SMCHD1: variants seen among roughly 807,000 people sequenced by gnomAD.
The protein encoded by SMCHD1 is structural maintenance of chromosomes flexible hinge domain containing 1.
Under a neutral mutation model 254.7 loss-of-function variants are expected in SMCHD1, and 78 were observed. The observed-to-expected ratio is 0.31, with a 90% confidence interval of 0.26 to 0.37. The LOEUF (loss-of-function observed/expected upper bound fraction) is 0.37. SMCHD1 is among the 10% of genes least tolerant of loss of function. The pLI is 1.00. For synonymous variants in SMCHD1, 766 were observed against 794.9 expected, an observed-to-expected ratio of 0.96 and a Z score of 0.61; for missense variants, 1,840 against 2,408.1, an observed-to-expected ratio of 0.76 and a Z score of 4.94.
In SMCHD1 at chr18:2,700,897, T is replaced by C; in HGVS notation, c.1626T>C (p.Phe542=). ...ELKLKDKNTL[F]TRILNGQEQR... is the part of the protein sequence containing the mutation. ...AATTGAAAGATAAGAACACCCTTTT[T>C]ACAAGGATTTTAAATGGACAGGTAT... is the stretch of plus-strand genomic sequence containing the variant. The change falls in exon 12 of 48, where the codon TTT becomes TTC. Residue 542 remains phenylalanine (F), a synonymous_variant. Transcript: ENST00000320876. The C allele has an allele frequency of 2.5e-6, 4 of 1,600,834 alleles. No individual in the cohort carries two copies. Among genetic ancestry groups the C allele is most frequent in the Non-Finnish European group, 3.4e-6 (4 of 1,174,354 alleles).
chr18:2,674,515 G>A (rs2073696041), intron 5 of SMCHD1, among the ~76,000 whole-genome samples: 1 of 152,110 alleles, frequency 6.6e-6, no homozygotes, highest in South Asian at 2.1e-4. Flanking sequence ...GTGGTTCTGT[G>A]GAGCTCACTG....
intron 5 of SMCHD1, among the ~76,000 whole-genome samples, chr18:2,678,851 T>G (rs555694894): frequency 0.2 from 5,297 of 26,766 alleles, 338 homozygotes; most frequent in African/African-American, 0.25. Flanking sequence ...TTGTTTGTTT[T>G]TTTGTTTTTT....
rs75714825 is a variant in SMCHD1 at position 2,706,494 on chromosome 18, G to A, written c.2063+24G>A. 8,709 of 1,493,490 alleles carry A rather than the reference G, an allele frequency of 5.8e-3. 272 individuals carry two copies. The African/African-American group carries it at 0.086, about 15-fold the overall frequency. The allele number at this position is 1,493,490 out of a possible 1,614,324, so 92.5% of individuals were successfully genotyped here. A position where few individuals can be genotyped will look rare whatever the true frequency, so the allele number is the denominator to read the frequency against. ...AGGTAAGTCACACTTCAAGATGCAT[G>A]ACAAAAATAAGAAAAATTGGAAAGA... On this transcript the variant is annotated intron_variant, in intron 15 of 47. Coordinates refer to ENST00000320876, the MANE Select transcript of SMCHD1 (RefSeq NM_015295.3).
At chr18:2,795,820 T>G in intron 45 of SMCHD1, 129 bp from the exon 46 acceptor site, 1 of 641,736 alleles carries the variant, frequency 1.6e-6, no homozygotes, top group Non-Finnish European at 2.6e-6. Context: ...TATTGAATGT[T>G]TTATGGCTTT....
rs140663757 is a variant in SMCHD1 at position 2,719,832 on chromosome 18, C to T, written c.2458+1398C>T. On this transcript the variant is annotated intron_variant, in intron 19 of 47. Transcript: ENST00000320876. ...CTGGGATTACAGGCGTATGCCACCA[C>T]GCCCGGCTAATTTTGTATTTTCAGT... Among the ~76,000 whole-genome samples, 660 of 151,996 alleles carry T rather than the reference C, an allele frequency of 4.3e-3. 5 individuals are homozygous for T. Among genetic ancestry groups the T allele is most frequent in the African/African-American group, 0.015 (634 of 41,434 alleles).
intron 34 of SMCHD1, among the ~76,000 whole-genome samples, chr18:2,754,648 A>C (rs1020365705): frequency 6.6e-6 from 1 of 152,170 alleles, no homozygotes; most frequent in South Asian, 2.1e-4. Context: ...AGCATAAACC[A>C]TATTAGTGCA....
chr18:2,655,971 T>A lies in SMCHD1; in HGVS notation c.-105T>A. 1.0e-6 allele frequency: 1 copy of A among 1,000,412 alleles called. No individual in the cohort carries two copies. The highest frequency in any genetic ancestry group is 1.3e-6 in the Non-Finnish European group (1 of 776,932). The allele number at this position is 1,000,412 out of a possible 1,614,324, so 62.0% of individuals were successfully genotyped here. A position where few individuals can be genotyped will look rare whatever the true frequency, so the allele number is the denominator to read the frequency against. On this transcript the variant is annotated 5_prime_UTR_variant, in exon 1 of 48. Transcript: ENST00000320876. ...AGCTGCAGCGCGCCGGGCCGAGGCC[T>A]CGAGCCGCCCCGGGAGCTGGAGCTG... is the stretch of plus-strand genomic sequence containing the variant.
chr18:2,700,707 TACTA>T (rs1318071602), intron 11 of SMCHD1, 24 bp from the exon 12 acceptor site: 9 of 1,605,436 alleles, frequency 5.6e-6, no homozygotes, highest in Non-Finnish European at 7.7e-6. Flanking sequence ...TTAATTCTTT[TACTA>T]ACTAACATTT....
intron 37 of SMCHD1, among the ~76,000 whole-genome samples, chr18:2,764,785 A>G (rs188552886): frequency 6.6e-6 from 1 of 152,208 alleles, no homozygotes; most frequent in African/African-American, 2.4e-5. Context: ...GTGAGTATGC[A>G]TGGATTTGAG....
intron 5 of SMCHD1, among the ~76,000 whole-genome samples, chr18:2,686,179 T>A (rs2074047852): frequency 6.6e-6 from 1 of 152,196 alleles, no homozygotes; most frequent in African/African-American, 2.4e-5. Flanking sequence ...GAGCTTGACT[T>A]TCAAAAAATT....
intron 34 of SMCHD1, among the ~76,000 whole-genome samples, chr18:2,754,936 G>T (rs1239083352): frequency 4.6e-5 from 7 of 151,948 alleles, no homozygotes. Flanking sequence ...CATCGTAAAT[G>T]ATATCTCCTA....
At chr18:2,716,945 G>T (rs1460075409) in intron 17 of SMCHD1, among the ~76,000 whole-genome samples, 3 of 152,214 alleles carry the variant, frequency 2.0e-5, no homozygotes, top group Non-Finnish European at 4.4e-5. Context: ...CAAAGCAGGG[G>T]CACCCAATTC....
At chr18:2,768,536 A>G (rs1400844040) in intron 37 of SMCHD1, among the ~76,000 whole-genome samples, 3 of 151,744 alleles carry the variant, frequency 2.0e-5, no homozygotes, top group East Asian at 1.9e-4. Flanking sequence ...TATTTTTGCT[A>G]TGTTATAGAT....
chr18:2,758,726 G>A (rs2075727657), intron 34 of SMCHD1, among the ~76,000 whole-genome samples: 4 of 152,066 alleles, frequency 2.6e-5, no homozygotes, highest in Admixed American at 2.6e-4. Flanking sequence ...ATCTCATTCT[G>A]TTGTCAGTCT....
chr18:2,752,160 G>A (rs999728714), intron 33 of SMCHD1, among the ~76,000 whole-genome samples: 2 of 152,028 alleles, frequency 1.3e-5, no homozygotes, highest in Non-Finnish European at 1.5e-5. Flanking sequence ...CATTGGTTTT[G>A]GAAACTATCT....
chr18:2,659,275 G>T (rs576044388), intron 1 of SMCHD1, among the ~76,000 whole-genome samples: 2 of 152,078 alleles, frequency 1.3e-5, no homozygotes, highest in East Asian at 3.9e-4. Context: ...CTGCCACCAC[G>T]CCTGGCTAAT....
chr18:2,718,518 G>T lies in SMCHD1; in HGVS notation c.2458+84G>T. 8.1e-7 allele frequency: 1 copy of T among 1,228,906 alleles called. No individual in the cohort carries two copies. The highest frequency in any genetic ancestry group is 1.6e-5 in the South Asian group (1 of 62,854). 76.1% of individuals were successfully genotyped at this position (1,228,906 alleles called of 1,614,324 possible). A position where few individuals can be genotyped will look rare whatever the true frequency, so the allele number is the denominator to read the frequency against. On this transcript the variant is annotated intron_variant, in intron 19 of 47. Transcript: ENST00000320876. The surrounding 1 kb of genome is among the most constrained non-coding windows in gnomAD (Gnocchi z 4.6). Reference sequence around the variant, plus strand: ...AGAAAAGAGAGATAAGCCATTAAAAGATGTTTGAACAATTGGGTAACCATC... The same window carrying T: ...AGAAAAGAGAGATAAGCCATTAAAATATGTTTGAACAATTGGGTAACCATC...
intron 42 of SMCHD1, among the ~76,000 whole-genome samples, chr18:2,777,068 C>T (rs962567962): frequency 6.7e-6 from 1 of 148,282 alleles, no homozygotes; most frequent in Non-Finnish European, 1.5e-5. Context: ...CACCTCCCCC[C>T]CCCATACCCT....
In SMCHD1 at chr18:2,795,959, G is replaced by A. The variant is rs1394757566; in HGVS notation, c.5730G>A (p.Gln1910=). Reference sequence around the variant, plus strand: ...TTGGTTTCTTTACAGATCTTCTTCAGCAGTATCGTTCTGCTGTGTGCAAAC... The same window carrying A: ...TTGGTTTCTTTACAGATCTTCTTCAACAGTATCGTTCTGCTGTGTGCAAAC... ...LILGEQIDLL[Q]QYRSAVCKLD... is the part of the protein sequence containing the mutation. The change falls in exon 46 of 48, where the codon CAG becomes CAA. Residue 1910 remains glutamine (Q), a synonymous_variant. Coordinates refer to ENST00000320876, the MANE Select transcript of SMCHD1 (RefSeq NM_015295.3). The A allele has an allele frequency of 1.3e-6, 2 of 1,586,576 alleles. No individual in the cohort carries two copies. Among genetic ancestry groups the A allele is most frequent in the Admixed American group, 3.6e-5 (2 of 54,960 alleles).
Sources: gnomAD v4.1 joint callset for allele counts (sites outside exome capture counted in the v4.1 genomes callset) on GRCh38, gnomAD v4.1.1 for gene constraint, Gnocchi (gnomAD v3.1) non-coding constraint, MANE v1.5 for transcripts, NCBI Gene and HGNC (gene_info 2026-07-23, HGNC 2026-07-21) for gene names.